USP39: variants seen among roughly 807,000 people sequenced by gnomAD.
The protein encoded by USP39 is ubiquitin carboxyl-terminal hydrolase 39.
A neutral mutation model predicts 66.4 loss-of-function variants in USP39; 38 were observed. The ratio of observed to expected loss-of-function variants is 0.57; its 90% CI spans 0.44 to 0.75. The LOEUF is 0.75. Ranked by LOEUF, USP39 falls within the 30% of genes least tolerant of loss-of-function variation. USP39 has a pLI of 0.00. For synonymous variants in USP39, 303 were observed against 274.6 expected, an observed-to-expected ratio of 1.10 and a Z score of -1.02; for missense variants, 608 against 714.4, an observed-to-expected ratio of 0.85 and a Z score of 1.70.
upstream of USP39, chr2:85,609,496 T>C (rs756598972): frequency 1.5e-5 from 25 of 1,614,104 alleles, no homozygotes; most frequent in Admixed American, 8.3e-5. Flanking sequence ...GCAGAAGAGC[T>C]GATGGCCAGA....
Position 85,645,103 on chromosome 2 carries a change from C to A in USP39, c.1563+20C>A, listed in dbSNP as rs777833435. The A allele has an allele frequency of 6.2e-7, 1 of 1,613,908 alleles. No individual in the cohort carries two copies. Among genetic ancestry groups the A allele is most frequent in the Non-Finnish European group, 8.5e-7 (1 of 1,179,882 alleles). On this transcript the variant is annotated intron_variant, in intron 11 of 12. Transcript: ENST00000323701. Reference sequence around the variant, plus strand: ...CATCATGTGAGTGGCTGCTGACCGTCTCATGGCACAGAGTGGCAAAAACAG... The same window carrying A: ...CATCATGTGAGTGGCTGCTGACCGTATCATGGCACAGAGTGGCAAAAACAG...
chr2:85,624,792 C>T (rs1289789882), intron 4 of USP39, among the ~76,000 whole-genome samples: 1 of 151,918 alleles, frequency 6.6e-6, no homozygotes, highest in African/African-American at 2.4e-5. Flanking sequence ...GATGAGACCC[C>T]GTTTCTACTA....
At chr2:85,613,540 G>C (rs1001902235), upstream of USP39, among the ~76,000 whole-genome samples, 1 of 152,170 alleles carries the variant, frequency 6.6e-6, no homozygotes, top group Non-Finnish European at 1.5e-5. Context: ...TGGTGGTCCA[G>C]CCACACGATG....
intron 10 of USP39, among the ~76,000 whole-genome samples, chr2:85,642,468 G>T (rs972456885): frequency 4.6e-5 from 7 of 152,198 alleles, no homozygotes; most frequent in Non-Finnish European, 1.0e-4. Flanking sequence ...GGAAGATTGT[G>T]TATCAATGGT....
In USP39 at chr2:85,641,104, C is replaced by A; in HGVS notation, c.1413C>A (p.Val471=). 2 of 1,612,692 alleles carry A rather than the reference C, an allele frequency of 1.2e-6. No homozygotes were observed. The highest frequency in any genetic ancestry group is 1.1e-5 in the South Asian group (1 of 90,612). The change falls in exon 10 of 13, where the codon GTC becomes GTA. Residue 471 remains valine (V), a synonymous_variant. Transcript: ENST00000323701. ...NFFVEKNPTI[V]NFPITNVDLR... is the part of the protein sequence containing the mutation. ...TTGTTGAGAAGAATCCAACTATTGT[C>A]AATTTCCCTATTACGTAAGTAACAT...
At chr2:85,629,499 CTTT>C (rs768604575) in intron 5 of USP39, among the ~76,000 whole-genome samples, 2 of 138,180 alleles carry the variant, frequency 1.4e-5, no homozygotes. Context: ...TTCTCTTTCT[CTTT>C]TTTTTTTTTT....
At chr2:85,609,310 C>A, upstream of USP39, 1 of 1,400,302 alleles carries the variant, frequency 7.1e-7, no homozygotes. Context: ...CCCGGCAGGC[C>A]TAGACTCACA....
chr2:85,611,960 G>T, upstream of USP39: 1 of 1,549,416 alleles, frequency 6.5e-7, no homozygotes, highest in South Asian at 1.2e-5. Context: ...CAGTGCCCCG[G>T]CCGGGGATGC....
upstream of USP39, chr2:85,609,466 C>T (rs915614905): frequency 6.2e-7 from 1 of 1,614,132 alleles, no homozygotes; most frequent in East Asian, 2.2e-5. Context: ...GACCTCTCCA[C>T]TGTCTGCCTC....
chr2:85,634,249 A>G (rs1159495392), intron 6 of USP39, among the ~76,000 whole-genome samples: 1 of 151,762 alleles, frequency 6.6e-6, no homozygotes, highest in Non-Finnish European at 1.5e-5. Flanking sequence ...AATAAGATAC[A>G]CTTCGGGTTG....
intron 5 of USP39, among the ~76,000 whole-genome samples, chr2:85,626,720 CTT>C (rs1203062033): frequency 1.2e-4 from 17 of 141,692 alleles, no homozygotes; most frequent in Admixed American, 1.4e-4. Flanking sequence ...GTCCTATTTT[CTT>C]TTTTTTTTTT....
chr2:85,614,711 GA>G (rs1673796051), upstream of USP39, among the ~76,000 whole-genome samples: 1 of 152,152 alleles, frequency 6.6e-6, no homozygotes, highest in Non-Finnish European at 1.5e-5. Context: ...TTTGCAAGAA[GA>G]AATATTATCT....
upstream of USP39, among the ~76,000 whole-genome samples, chr2:85,614,282 G>A (rs1673767337): frequency 1.3e-5 from 2 of 152,262 alleles, no homozygotes; most frequent in Middle Eastern, 3.4e-3. Flanking sequence ...TGGAAGGGGA[G>A]GCGGGCGGAT....
At chr2:85,609,413 C>T, upstream of USP39, 1 of 1,611,694 alleles carries the variant, frequency 6.2e-7, no homozygotes, top group Non-Finnish European at 8.5e-7. Context: ...CTTCAGGCTG[C>T]AGCTGTTTCC....
In USP39 at chr2:85,629,688, G is replaced by T. The variant is rs796762907; in HGVS notation, c.724-1033G>T. ...ATTTTTGTATTTTTAGTAGAGACGGGGTTTCACCATGTTGGCCAGGCTGGT... is the reference window on the plus strand; with the variant it reads ...ATTTTTGTATTTTTAGTAGAGACGGTGTTTCACCATGTTGGCCAGGCTGGT... On this transcript the variant is annotated intron_variant, in intron 5 of 12. Coordinates refer to ENST00000323701, the MANE Select transcript of USP39 (RefSeq NM_006590.4). 2.2e-4 allele frequency among the ~76,000 whole-genome samples: 33 copies of T among 149,874 alleles called. 3 individuals carry two copies. Among genetic ancestry groups the T allele is most frequent in the African/African-American group, 7.9e-4 (32 of 40,752 alleles).
upstream of USP39, chr2:85,607,768 A>G (rs1287611060): frequency 6.6e-6 from 1 of 152,246 alleles, no homozygotes; most frequent in African/African-American, 2.4e-5. Context: ...CACTGAGGTT[A>G]GGCTGATATG....
intron 1 of USP39, among the ~76,000 whole-genome samples, chr2:85,618,950 T>G (rs1263423065): frequency 6.6e-6 from 1 of 151,994 alleles, no homozygotes; most frequent in Admixed American, 6.6e-5. Context: ...TTGTGTTTTT[T>G]GTAGAGACGG....
At chr2:85,627,462 AATC>A (rs1279044202) in intron 5 of USP39, among the ~76,000 whole-genome samples, 3 of 152,086 alleles carry the variant, frequency 2.0e-5, no homozygotes, top group Non-Finnish European at 4.4e-5. Flanking sequence ...ATGATTAAAA[AATC>A]ATAAACACAG....
intron 1 of USP39, among the ~76,000 whole-genome samples, chr2:85,604,404 G>A (rs369598962): frequency 2.4e-3 from 362 of 152,206 alleles, no homozygotes; most frequent in Non-Finnish European, 4.1e-3. Context: ...TAGAGACGGG[G>A]TTTCACCATG....
Sources: gnomAD v4.1 joint callset for allele counts (sites outside exome capture counted in the v4.1 genomes callset) on GRCh38, gnomAD v4.1.1 for gene constraint, MANE v1.5 for transcripts, NCBI Gene and HGNC (gene_info 2026-07-23, HGNC 2026-07-21) for gene names.